The following C22orf39 variants were observed in gnomAD, a reference collection of about 807,000 sequenced individuals.
The protein encoded by C22orf39 is chromosome 22 open reading frame 39.
A neutral mutation model predicts 18.3 loss-of-function variants in C22orf39; 20 were observed. The ratio of observed to expected loss-of-function variants is 1.09; its 90% CI spans 0.77 to 1.59. The LOEUF is 1.59. Among genes scored for constraint, C22orf39 ranks in the 40% most tolerant of loss-of-function variants. C22orf39 has a pLI of 0.00. For missense variants in C22orf39, 195 were observed against 156.1 expected (o/e 1.25, Z -1.33); for synonymous variants, 63 against 59.6 (o/e 1.06, Z -0.26).
intron 2 of C22orf39, among the ~76,000 whole-genome samples, chr22:19,446,978 C>T (rs1451731032): frequency 6.6e-6 from 1 of 152,190 alleles, no homozygotes; most frequent in Non-Finnish European, 1.5e-5. Context: ...ATACCGCTCT[C>T]CAACCATCCA....
At position 19,444,296 on chromosome 22, in the gene C22orf39, T is replaced by C; in HGVS notation, c.287A>G (p.His96Arg). 6.3e-7 allele frequency: 1 copy of C among 1,599,006 alleles called. No homozygotes were observed. The highest frequency in any genetic ancestry group is 1.1e-5 in the South Asian group (1 of 89,304). The change falls in exon 3 of 3, where the codon CAT (histidine) becomes CGT (arginine). Residue 96 changes from histidine to arginine, a missense_variant. By Grantham distance (29) the His-to-Arg change is conservative. Transcript: ENST00000399562. ...GTCCTTCTCCTGTGGCAGAGGGAGATGCCAGTCTGGAGGGGGGCTCTGCCT... is the reference window on the plus strand; with the variant it reads ...GTCCTTCTCCTGTGGCAGAGGGAGACGCCAGTCTGGAGGGGGGCTCTGCCT... ...APRQSPPPDW[H>R]LPLPQEKDE
At chr22:19,447,340 G>C (rs2089646997) in intron 2 of C22orf39, 38 bp downstream of exon 2, 13 of 1,433,194 alleles carry the variant, frequency 9.1e-6, no homozygotes, top group Non-Finnish European at 1.2e-5. Flanking sequence ...GGCCCCGCAA[G>C]GCGCTCCGAA....
Position 19,444,695 on chromosome 22 carries a change from G to A in C22orf39, c.193-305C>T, listed in dbSNP as rs9618573. Among the ~76,000 whole-genome samples the A allele has an allele frequency of 2.8e-3, 419 of 152,244 alleles. 1 individual carries two copies. The highest frequency in any genetic ancestry group is 9.6e-3 in the African/African-American group (400 of 41,518). ...GGGCTCAATGGCTCTGGTTGACCTC[G>A]TGAGTCTGGGGCATATTCACCTGCT... On this transcript the variant is annotated intron_variant, in intron 2 of 2. Coordinates refer to ENST00000399562, the MANE Select transcript of C22orf39 (RefSeq NM_173793.5).
chr22:19,447,290 A>T (rs2089646650), intron 2 of C22orf39, 88 bp downstream of exon 2: 12 of 1,301,108 alleles, frequency 9.2e-6, no homozygotes, highest in Non-Finnish European at 9.9e-6. Context: ...GTCCCCGGCT[A>T]GGTCGCGGGG....
At chr22:19,447,336 G>T in intron 2 of C22orf39, 42 bp downstream of exon 2, 2 of 1,427,840 alleles carry the variant, frequency 1.4e-6, no homozygotes, top group Non-Finnish European at 1.8e-6. Flanking sequence ...GCTGGGCCCC[G>T]CAAGGCGCTC....
At chr22:19,446,250 G>T (rs2146277985) in intron 2 of C22orf39, among the ~76,000 whole-genome samples, 1 of 152,206 alleles carries the variant, frequency 6.6e-6, no homozygotes, top group Non-Finnish European at 1.5e-5. Context: ...ATACATTAAA[G>T]TTATCAATCT....
Position 19,441,721 on chromosome 22 carries a change from C to G in C22orf39, c.*2544G>C. ...TGTCCAAAAAGTTTGAAAGATATTG[C>G]TCTTATTACAGTATTTGTTTTCTTC... On this transcript the variant is annotated 3_prime_UTR_variant, in exon 3 of 3. Transcript: ENST00000399562. 1 of 1,547,118 alleles carries G rather than the reference C, an allele frequency of 6.5e-7. No homozygotes were observed. The highest frequency in any genetic ancestry group is 1.2e-5 in the South Asian group (1 of 83,296).
In C22orf39 at chr22:19,442,854, C is replaced by T. The variant is rs2089620580; in HGVS notation, c.*1411G>A. The stretch of plus-strand genomic sequence containing the variant: ...CCCAAAGTGCTGGGATTACAGCAGA[C>T]TGCAAATTCAGATGCCCCGTCCCTG... On this transcript the variant is annotated 3_prime_UTR_variant, in exon 3 of 3. Transcript: ENST00000399562. The T allele has an allele frequency of 6.6e-6, 1 of 152,464 alleles. No individual in the cohort carries two copies. Among genetic ancestry groups the T allele is most frequent in the South Asian group, 2.1e-4 (1 of 4,830 alleles). 9.4% of individuals were successfully genotyped at this position (152,464 alleles called of 1,614,324 possible).
chr22:19,442,736 T>A lies in C22orf39; in HGVS notation c.*1529A>T, dbSNP rs2006242. ...GGCACGTGCCACCATGCCCAGTTAATTTTTGTATTTTTAATAGAGATGGGG... is the reference window on the plus strand; with the variant it reads ...GGCACGTGCCACCATGCCCAGTTAAATTTTGTATTTTTAATAGAGATGGGG... On this transcript the variant is annotated 3_prime_UTR_variant, in exon 3 of 3. Coordinates refer to ENST00000399562, the MANE Select transcript of C22orf39 (RefSeq NM_173793.5). 59,952 of 151,920 alleles carry A rather than the reference T, an allele frequency of 0.39. 13,963 individuals carry two copies. The highest frequency in any genetic ancestry group is 0.52 in the Non-Finnish European group (35,544 of 67,926). 9.4% of individuals were successfully genotyped at this position (151,920 alleles called of 1,614,324 possible).
chr22:19,441,636 C>G lies in C22orf39; in HGVS notation c.*2629G>C. 7.5e-7 allele frequency: 1 copy of G among 1,337,078 alleles called. No individual in the cohort carries two copies. Among genetic ancestry groups the G allele is most frequent in the Non-Finnish European group, 1.0e-6 (1 of 956,754 alleles). 82.8% of individuals were successfully genotyped at this position (1,337,078 alleles called of 1,614,324 possible). ...CTCAAACTCCTATCCTCAAGTGATT[C>G]TTCTGCCTCAGCCTCCCAAGTAGCT... On this transcript the variant is annotated 3_prime_UTR_variant, in exon 3 of 3. Coordinates refer to ENST00000399562, the MANE Select transcript of C22orf39 (RefSeq NM_173793.5).
At chr22:19,445,277 T>C (rs1295213529) in intron 2 of C22orf39, among the ~76,000 whole-genome samples, 1 of 152,196 alleles carries the variant, frequency 6.6e-6, no homozygotes, top group Non-Finnish European at 1.5e-5. Flanking sequence ...CTTCCTGCTT[T>C]CTTTTCACTA....
Position 19,443,096 on chromosome 22 carries a change from C to CCCACATA in C22orf39, c.*1168_*1169insTATGTGG. ...TGAGCACAACCCCCACCCCCACCCC[C>CCCACATA]ACTGTTCACAGACACAGGGGCTCTT... On this transcript the variant is annotated 3_prime_UTR_variant, in exon 3 of 3. Transcript: ENST00000399562. 3 of 851,080 alleles carry CCCACATA rather than the reference C, an allele frequency of 3.5e-6. No homozygotes were observed. Among genetic ancestry groups the CCCACATA allele is most frequent in the Non-Finnish European group, 4.2e-6 (3 of 709,390 alleles). The allele number at this position is 851,080 out of a possible 1,614,324, so 52.7% of individuals were successfully genotyped here.
Position 19,447,679 on chromosome 22 carries a change from C to A in C22orf39, c.10G>T (p.Gly4Cys), listed in dbSNP as rs937325615. ...AGCACACTCACCTGCCAGCCGCTGC[C>A]GTCCGCCATGTCTGGGCGACCGGCG... MAD[G>C]SGWQPPRPCE... is the part of the protein sequence containing the mutation. The change falls in exon 1 of 3, where the codon GGC becomes TGC. Residue 4 changes from glycine (G) to cysteine (C), a missense_variant. Gly to Cys is a radical substitution (Grantham distance 159, BLOSUM62 -3). Transcript: ENST00000399562. 3 of 1,610,794 alleles carry A rather than the reference C, an allele frequency of 1.9e-6. No homozygotes were observed. The highest frequency in any genetic ancestry group is 3.3e-5 in the Admixed American group (2 of 59,902).
Position 19,443,741 on chromosome 22 carries a change from C to T in C22orf39, c.*524G>A, listed in dbSNP as rs542831601. On this transcript the variant is annotated 3_prime_UTR_variant, in exon 3 of 3. Coordinates refer to ENST00000399562, the MANE Select transcript of C22orf39 (RefSeq NM_173793.5). The stretch of plus-strand genomic sequence containing the variant: ...GAGGGGCCAGCAAGCCCTACCTGCT[C>T]GGCACACCTGCCTGCATGTGCAGTG... 3.2e-5 allele frequency: 32 copies of T among 984,654 alleles called. No homozygotes were observed. In the Admixed American group the frequency reaches 6.8e-4, roughly 21 times the overall value. 61.0% of individuals were successfully genotyped at this position (984,654 alleles called of 1,614,324 possible). A position where few individuals can be genotyped will look rare whatever the true frequency, so the allele number is the denominator to read the frequency against.
At position 19,444,375 on chromosome 22, in the gene C22orf39, T is replaced by C; in HGVS notation, c.208A>G (p.Ser70Gly). 1 of 1,601,652 alleles carries C rather than the reference T, an allele frequency of 6.2e-7. No individual in the cohort carries two copies. Among genetic ancestry groups the C allele is most frequent in the South Asian group, 1.1e-5 (1 of 89,630 alleles). The change falls in exon 3 of 3, where the codon AGC becomes GGC. Residue 70 changes from serine (S) to glycine (G), a missense_variant. Ser to Gly is a moderately conservative substitution (Grantham distance 56). Transcript: ENST00000399562. ...NAEAQQSLCESERARVRAARK... is the reference protein window; with the variant it reads ...NAEAQQSLCEGERARVRAARK... ...GCAGCCCGGACTCGTGCCCGCTCGC[T>C]CTCACAGAGGGATTGCTGTGCAAAT... is the stretch of plus-strand genomic sequence containing the variant.
At chr22:19,446,396 T>C (rs962898609) in intron 2 of C22orf39, among the ~76,000 whole-genome samples, 2 of 152,188 alleles carry the variant, frequency 1.3e-5, no homozygotes, top group African/African-American at 2.4e-5. Context: ...CACTTAATAA[T>C]GTTGAAGTGT....
chr22:19,441,961 A>C lies in C22orf39; in HGVS notation c.*2304T>G. ...AAATGCACGCCACCATGCATAGCTC[A>C]TTTATTTTTTGTAGAGATGGGGTCT... On this transcript the variant is annotated 3_prime_UTR_variant, in exon 3 of 3. Transcript: ENST00000399562. 1.5e-5 allele frequency: 5 copies of C among 340,134 alleles called. No homozygotes were observed. Among genetic ancestry groups the C allele is most frequent in the Middle Eastern group, 7.9e-4 (1 of 1,262 alleles). The allele number at this position is 340,134 out of a possible 1,614,324, so 21.1% of individuals were successfully genotyped here.
chr22:19,447,649 G>C lies in C22orf39; in HGVS notation c.24+16C>G, dbSNP rs772402299. 2 of 1,609,368 alleles carry C rather than the reference G, an allele frequency of 1.2e-6. No homozygotes were observed. Among genetic ancestry groups the C allele is most frequent in the Admixed American group, 1.7e-5 (1 of 59,826 alleles). The stretch of plus-strand genomic sequence containing the variant: ...GAAGACCCCGGTGGTTCCCGGCTCC[G>C]ACCCAGCACACTCACCTGCCAGCCG... On this transcript the variant is annotated intron_variant, in intron 1 of 2. Coordinates refer to ENST00000399562, the MANE Select transcript of C22orf39 (RefSeq NM_173793.5).
chr22:19,447,306 G>C, intron 2 of C22orf39, 72 bp downstream of exon 2: 1 of 1,367,040 alleles, frequency 7.3e-7, no homozygotes, highest in Non-Finnish European at 9.4e-7. Flanking sequence ...CGGGGCATGG[G>C]GCGTGGAGGG....
Sources: allele counts gnomAD v4.1 joint callset (sites outside exome capture counted in the v4.1 genomes callset), GRCh38; gene constraint gnomAD v4.1.1; transcripts MANE v1.5; gene names NCBI Gene and HGNC (gene_info 2026-07-23, HGNC 2026-07-21).